Variants in TMEM131 observed in about 807,000 individuals in gnomAD.
The protein encoded by TMEM131 is 2610524E03Rik.
Under a neutral mutation model 211.6 loss-of-function variants are expected in TMEM131, and 66 were observed. The ratio of observed to expected loss-of-function variants is 0.31; its 90% CI spans 0.26 to 0.38. The LOEUF is 0.38. Among genes scored for constraint, TMEM131 ranks in the 10% least tolerant of loss-of-function variants. The pLI is 1.00. For synonymous variants in TMEM131, 844 were observed against 841.3 expected (o/e 1.00, Z -0.06); for missense variants, 2,036 against 2,299.3 (o/e 0.89, Z 2.34).
intron 31 of TMEM131, among the ~76,000 whole-genome samples, chr2:97,781,633 GA>G (rs1419523984): frequency 6.6e-6 from 1 of 152,160 alleles, no homozygotes; most frequent in Non-Finnish European, 1.5e-5. Context: ...TGGGAAGATG[GA>G]GTAGATCTTT....
intron 3 of TMEM131, among the ~76,000 whole-genome samples, chr2:97,897,775 G>A (rs759826834): frequency 3.3e-5 from 5 of 152,130 alleles, no homozygotes; most frequent in Non-Finnish European, 4.4e-5. Flanking sequence ...TTCTAAAAGC[G>A]TTTATGTAAG....
intron 2 of TMEM131, among the ~76,000 whole-genome samples, chr2:97,925,356 C>A (rs1038735461): frequency 6.6e-6 from 1 of 152,156 alleles, no homozygotes; most frequent in African/African-American, 2.4e-5. Flanking sequence ...CTGACCAGGG[C>A]ATCCTGTGGT....
At chr2:97,812,896 C>T (rs1321202608) in intron 15 of TMEM131, 147 bp from the exon 16 acceptor site, 4 of 453,564 alleles carry the variant, frequency 8.8e-6, no homozygotes, top group Admixed American at 4.1e-5. Context: ...CCCAGCTACT[C>T]GGAAGGCTGA....
chr2:97,815,423 C>A, intron 12 of TMEM131, 116 bp from the exon 13 acceptor site: 1 of 555,386 alleles, frequency 1.8e-6, no homozygotes, highest in Non-Finnish European at 3.1e-6. Flanking sequence ...CCAAATTGGC[C>A]AACAGAACAC....
intron 3 of TMEM131, among the ~76,000 whole-genome samples, chr2:97,889,236 A>C (rs1675282656): frequency 6.6e-6 from 1 of 152,246 alleles, no homozygotes. Context: ...TATGTTGAAC[A>C]GAAAAGATGA....
intron 7 of TMEM131, among the ~76,000 whole-genome samples, chr2:97,840,711 G>A (rs1327250443): frequency 2.3e-5 from 3 of 131,238 alleles, no homozygotes; most frequent in African/African-American, 5.9e-5. Flanking sequence ...AACAACAGAA[G>A]GATGGTGAGG....
intron 9 of TMEM131, 47 bp downstream of exon 9, chr2:97,834,728 T>G: frequency 6.2e-7 from 1 of 1,607,580 alleles, no homozygotes. Flanking sequence ...CAGAGTAAGC[T>G]ATACTGAAAA....
intron 31 of TMEM131, among the ~76,000 whole-genome samples, chr2:97,785,522 C>G (rs1162592623): frequency 1.3e-5 from 2 of 152,242 alleles, no homozygotes; most frequent in African/African-American, 4.8e-5. Flanking sequence ...AATGAAGATG[C>G]TGCTGAGGAT....
intron 25 of TMEM131, among the ~76,000 whole-genome samples, chr2:97,800,738 C>T (rs1323929028): frequency 6.6e-6 from 1 of 151,210 alleles, no homozygotes; most frequent in Non-Finnish European, 1.5e-5. Context: ...GCCTGGGTGA[C>T]AGAGCCAGAC....
chr2:97,968,270 A>G (rs1051009411), intron 1 of TMEM131, among the ~76,000 whole-genome samples: 3 of 152,136 alleles, frequency 2.0e-5, no homozygotes, highest in African/African-American at 7.2e-5. Context: ...AGTGACTACC[A>G]GATAAGGGCG....
chr2:97,921,062 T>C (rs1371521265), intron 2 of TMEM131, among the ~76,000 whole-genome samples: 2 of 151,314 alleles, frequency 1.3e-5, no homozygotes, highest in Admixed American at 6.6e-5. Flanking sequence ...AACCAAGACA[T>C]TACTGAGAAG....
At chr2:97,892,484 C>T (rs1675420726) in intron 3 of TMEM131, among the ~76,000 whole-genome samples, 1 of 152,094 alleles carries the variant, frequency 6.6e-6, no homozygotes, top group Admixed American at 6.6e-5. Context: ...CTTCATCCTC[C>T]CAAGCAGCTG....
At chr2:97,956,495 A>AT (rs897356985) in intron 1 of TMEM131, among the ~76,000 whole-genome samples, 4 of 151,860 alleles carry the variant, frequency 2.6e-5, no homozygotes, top group South Asian at 2.1e-4. Context: ...TAAAATTTCG[A>AT]TTTTTTTTCA....
At chr2:97,977,161 T>A (rs1445804432) in intron 1 of TMEM131, among the ~76,000 whole-genome samples, 1 of 152,142 alleles carries the variant, frequency 6.6e-6, no homozygotes, top group Non-Finnish European at 1.5e-5. Flanking sequence ...AAGAGCAAAT[T>A]GGTAAAGTTG....
intron 3 of TMEM131, among the ~76,000 whole-genome samples, chr2:97,896,267 T>C (rs1190620890): frequency 6.6e-6 from 1 of 152,052 alleles, no homozygotes; most frequent in East Asian, 1.9e-4. Flanking sequence ...TGTTGAGGAG[T>C]GTTTTCCTTC....
intron 11 of TMEM131, among the ~76,000 whole-genome samples, chr2:97,830,844 T>C (rs1682646365): frequency 6.6e-6 from 1 of 152,166 alleles, no homozygotes. Flanking sequence ...ATCCTATATT[T>C]AGAAAGAGAA....
At chr2:97,828,404 T>C (rs1682501289) in intron 11 of TMEM131, among the ~76,000 whole-genome samples, 2 of 151,936 alleles carry the variant, frequency 1.3e-5, no homozygotes, top group South Asian at 2.1e-4. Flanking sequence ...AAATCAGACA[T>C]AGGGTCTGTG....
intron 5 of TMEM131, among the ~76,000 whole-genome samples, chr2:97,855,838 T>G (rs556253007): frequency 1.3e-5 from 2 of 152,258 alleles, no homozygotes; most frequent in Non-Finnish European, 2.9e-5. Context: ...TCCATACTAT[T>G]GCTACATCGC....
At chr2:97,777,829 A>C (rs1026974576) in intron 31 of TMEM131, among the ~76,000 whole-genome samples, 1 of 151,804 alleles carries the variant, frequency 6.6e-6, no homozygotes, top group African/African-American at 2.4e-5. Flanking sequence ...AACCAAACCA[A>C]GCCAAACCAA....
Sources: allele counts gnomAD v4.1 joint callset (sites outside exome capture counted in the v4.1 genomes callset), GRCh38; gene constraint gnomAD v4.1.1; transcripts MANE v1.5; gene names NCBI Gene and HGNC (gene_info 2026-07-23, HGNC 2026-07-21).